Variants in WNK1 observed in about 807,000 individuals in gnomAD.
WNK1 encodes serine/threonine-protein kinase WNK1.
Under a neutral mutation model 222.8 loss-of-function variants are expected in WNK1, and 38 were observed. That is an observed-to-expected ratio of 0.17 (90% CI 0.13 to 0.22). The LOEUF is 0.22. Among genes scored for constraint, WNK1 ranks in the 10% least tolerant of loss-of-function variants. The pLI is 1.00. For missense variants in WNK1, 2,348 were observed against 2,918.4 expected, an observed-to-expected ratio of 0.80 and a Z score of 4.50; for synonymous variants, 1,090 against 1,092.9, an observed-to-expected ratio of 1.00 and a Z score of 0.05.
chr12:878,096 T>C lies in WNK1; in HGVS notation c.2224-116T>C, dbSNP rs963147638. ...GATGAATTTGGGTTTGTGCATGTCT[T>C]GATTACTAAAATCATCATTATTTAC... On this transcript the variant is annotated intron_variant, in intron 9 of 27. Transcript: ENST00000315939. 4 of 1,360,748 alleles carry C rather than the reference T, an allele frequency of 2.9e-6. No individual in the cohort carries two copies. In the African/African-American group the frequency reaches 5.8e-5, roughly 20 times the overall value. 84.3% of individuals were successfully genotyped at this position (1,360,748 alleles called of 1,614,324 possible). A position where few individuals can be genotyped will look rare whatever the true frequency, so the allele number is the denominator to read the frequency against.
intron 4 of WNK1, among the ~76,000 whole-genome samples, chr12:833,757 C>A (rs759439500): frequency 2.6e-5 from 4 of 152,034 alleles, no homozygotes; most frequent in Non-Finnish European, 5.9e-5. Context: ...ATATTTTAAT[C>A]TAGTACATCT....
At chr12:848,883 A>G (rs1051315303) in intron 4 of WNK1, among the ~76,000 whole-genome samples, 1 of 152,204 alleles carries the variant, frequency 6.6e-6, no homozygotes, top group Non-Finnish European at 1.5e-5. Context: ...TTGTGCCTAC[A>G]TCGTACCTTT....
At chr12:904,718 T>C (rs558647605) in intron 26 of WNK1, among the ~76,000 whole-genome samples, 3 of 152,314 alleles carry the variant, frequency 2.0e-5, no homozygotes, top group African/African-American at 7.2e-5. Flanking sequence ...GGATTGGTAA[T>C]GGCCATGGGT....
chr12:880,841 C>T lies in WNK1; in HGVS notation c.2953C>T (p.Leu985=), dbSNP rs377242632. Residue 985 remains leucine, a synonymous_variant, in exon 12 of 28, where the codon CTG becomes TTG. Coordinates refer to ENST00000315939, the MANE Select transcript of WNK1 (RefSeq NM_018979.4). Reference sequence around the variant, plus strand: ...ATCCCCTCCCATGCCGACAGAAGTACTGGCTACACCTGGGTACTTTCCCAC... The same window carrying T: ...ATCCCCTCCCATGCCGACAGAAGTATTGGCTACACCTGGGTACTTTCCCAC... ...VLSPPMPTEV[L]ATPGYFPTVV... The T allele has an allele frequency of 6.2e-7, 1 of 1,613,940 alleles. No individual in the cohort carries two copies. The highest frequency in any genetic ancestry group is 1.3e-5 in the African/African-American group (1 of 74,862).
At chr12:791,984 G>A (rs1450683621) in intron 1 of WNK1, among the ~76,000 whole-genome samples, 1 of 152,156 alleles carries the variant, frequency 6.6e-6, no homozygotes, top group African/African-American at 2.4e-5. Flanking sequence ...GAGGGGAATT[G>A]CAGGATTTCC....
intron 2 of WNK1, among the ~76,000 whole-genome samples, chr12:821,051 T>G (rs1856504762): frequency 8.9e-6 from 1 of 112,092 alleles, no homozygotes; most frequent in Non-Finnish European, 2.2e-5. Context: ...AGTTTTTTTT[T>G]TTTTTTTTTT....
intron 4 of WNK1, among the ~76,000 whole-genome samples, chr12:846,758 A>G (rs1950056318): frequency 6.6e-6 from 1 of 152,228 alleles, no homozygotes. Flanking sequence ...TAAAGCCATT[A>G]GGGTAAAATT....
chr12:803,610 C>G lies in WNK1; in HGVS notation c.760-10032C>G, dbSNP rs1266624084. On this transcript the variant is annotated intron_variant, in intron 1 of 27. Transcript: ENST00000315939. ...CTAGCCTGGCCAACATAGTGAAACCCTGTCTACTCCCAGCTACTCAGGAGA... is the reference window on the plus strand; with the variant it reads ...CTAGCCTGGCCAACATAGTGAAACCGTGTCTACTCCCAGCTACTCAGGAGA... 3.9e-5 allele frequency among the ~76,000 whole-genome samples: 6 copies of G among 152,090 alleles called. No homozygotes were observed. The East Asian group carries it at 1.2e-3, about 29-fold the overall frequency.
chr12:765,706 A>C (rs1238392758), intron 1 of WNK1, among the ~76,000 whole-genome samples: 1 of 152,102 alleles, frequency 6.6e-6, no homozygotes, highest in Non-Finnish European at 1.5e-5. Flanking sequence ...CCGAGGTGAG[A>C]GCATTGCTTG....
At chr12:790,647 A>G (rs12306737) in intron 1 of WNK1, among the ~76,000 whole-genome samples, 8,278 of 152,288 alleles carry the variant, frequency 0.054, 441 homozygotes, top group African/African-American at 0.12. Flanking sequence ...GTTGAATGCA[A>G]CGTGCTCTGT....
intron 8 of WNK1, chr12:868,746 A>G: frequency 6.2e-7 from 1 of 1,614,020 alleles, no homozygotes; most frequent in East Asian, 2.2e-5. Flanking sequence ...CTGCCTCCTC[A>G]ATCAGTTGGA....
intron 2 of WNK1, among the ~76,000 whole-genome samples, chr12:825,308 T>G (rs1225247791): frequency 3.3e-5 from 5 of 152,234 alleles, no homozygotes; most frequent in Admixed American, 2.0e-4. Flanking sequence ...AATTTTATTT[T>G]AGTTCTGCTA....
intron 4 of WNK1, among the ~76,000 whole-genome samples, chr12:832,750 C>A (rs1434653191): frequency 6.6e-6 from 1 of 152,172 alleles, no homozygotes; most frequent in Non-Finnish European, 1.5e-5. Flanking sequence ...AATTTATTAA[C>A]CTCTTCTTAA....
At chr12:779,397 G>GTTTTTTTTTTTTTTTTTTTTTTTTT (rs5795950) in intron 1 of WNK1, among the ~76,000 whole-genome samples, 2 of 124,272 alleles carry the variant, frequency 1.6e-5, no homozygotes. Flanking sequence ...TTTCTTTTCT[G>GTTTTTTTTTTTTTTTTTTTTTTTTT]TTTTTTTTTT....
chr12:908,739 A>T lies in WNK1; in HGVS notation c.7096A>T (p.Asn2366Tyr), dbSNP rs534059333. 1.2e-6 allele frequency: 2 copies of T among 1,611,956 alleles called. No individual in the cohort carries two copies. The highest frequency in any genetic ancestry group is 2.7e-5 in the African/African-American group (2 of 74,850). ...CTCCTTGCAGAATTTCAACATCAGC[A>T]ATTTGCAGAAATCCATCAGCAACCC... ...TASLQNFNIS[N>Y]LQKSISNPPG... The change falls in exon 28 of 28, where the codon AAT (asparagine) becomes TAT (tyrosine). Residue 2366 changes from asparagine (N) to tyrosine (Y), a missense_variant. Physicochemically the swap from Asn to Tyr is moderately radical, Grantham distance 143 (BLOSUM62 -2). Coordinates refer to ENST00000315939, the MANE Select transcript of WNK1 (RefSeq NM_018979.4).
intron 9 of WNK1, chr12:877,939 C>G: frequency 2.1e-6 from 1 of 465,618 alleles, no homozygotes; most frequent in Non-Finnish European, 3.9e-6. Context: ...TTTGTAAAGA[C>G]CTATTGTTGG....
intron 1 of WNK1, among the ~76,000 whole-genome samples, chr12:778,637 CTTTTTTTTT>C: frequency 7.3e-6 from 1 of 136,568 alleles, no homozygotes; most frequent in South Asian, 2.4e-4. Flanking sequence ...GGCCAATGAT[CTTTTTTTTT>C]TTTTTTTTTA....
intron 1 of WNK1, among the ~76,000 whole-genome samples, chr12:768,924 C>T (rs1276258757): frequency 6.6e-6 from 1 of 151,960 alleles, no homozygotes; most frequent in Non-Finnish European, 1.5e-5. Context: ...ATTCTTCTGC[C>T]TCAGCCTCCC....
chr12:822,264 T>TTGTATTTTTAG (rs1336584575), intron 2 of WNK1, among the ~76,000 whole-genome samples: 1 of 151,930 alleles, frequency 6.6e-6, no homozygotes, highest in African/African-American at 2.4e-5. Flanking sequence ...CAGCTAATTT[T>TTGTATTTTTAG]TGTATTTTTA....
Sources: gnomAD v4.1 joint callset for allele counts (sites outside exome capture counted in the v4.1 genomes callset) on GRCh38, gnomAD v4.1.1 for gene constraint, MANE v1.5 for transcripts, NCBI Gene and HGNC (gene_info 2026-07-23, HGNC 2026-07-21) for gene names.